VRK1: variants seen among roughly 807,000 people sequenced by gnomAD.
The protein encoded by VRK1 is VRK serine/threonine kinase 1, also known as serine/threonine-protein kinase VRK1.
Under a neutral mutation model 57.1 loss-of-function variants are expected in VRK1, and 33 were observed. The ratio of observed to expected loss-of-function variants is 0.58; its 90% CI spans 0.44 to 0.77. The LOEUF (loss-of-function observed/expected upper bound fraction) is 0.77. VRK1 is among the 30% of genes least tolerant of loss of function. The probability of loss-of-function intolerance (pLI) is 0.00; values close to 1 mark genes in which losing one functional copy is unlikely to be tolerated. For synonymous variants in VRK1, 137 were observed against 147.8 expected, an observed-to-expected ratio of 0.93 and a Z score of 0.53; for missense variants, 413 against 477.3, an observed-to-expected ratio of 0.87 and a Z score of 1.25.
chr14:96,817,726 A>G (rs1186185455), intron 1 of VRK1, among the ~76,000 whole-genome samples: 1 of 152,208 alleles, frequency 6.6e-6, no homozygotes, highest in Non-Finnish European at 1.5e-5. Context: ...TGCTCCCTAA[A>G]TAGAATGAAT....
At chr14:96,870,984 C>T (rs867153495) in intron 11 of VRK1, among the ~76,000 whole-genome samples, 12 of 152,260 alleles carry the variant, frequency 7.9e-5, no homozygotes, top group African/African-American at 2.2e-4. Context: ...AAATGTGTTG[C>T]GCATGGAGCA....
chr14:96,851,630 A>G (rs1887954193), intron 5 of VRK1, among the ~76,000 whole-genome samples: 1 of 152,100 alleles, frequency 6.6e-6, no homozygotes, highest in African/African-American at 2.4e-5. Context: ...TCCCTATTGA[A>G]CTTGTCATAT....
intron 9 of VRK1, 116 bp from the exon 10 acceptor site, chr14:96,856,412 A>G: frequency 7.4e-7 from 1 of 1,350,666 alleles, no homozygotes; most frequent in Non-Finnish European, 1.0e-6. Context: ...ATTTTAGAAA[A>G]ATGTCTGTAA....
At chr14:96,806,156 T>C (rs1178893881) in intron 1 of VRK1, among the ~76,000 whole-genome samples, 3 of 152,140 alleles carry the variant, frequency 2.0e-5, no homozygotes, top group African/African-American at 7.2e-5. Flanking sequence ...CAAGAAACCA[T>C]GTATCTGCAT....
rs759767615 is a variant in VRK1 at position 96,833,510 on chromosome 14, C to T, written c.39C>T (p.Ser13=). 8.1e-6 allele frequency: 13 copies of T among 1,613,768 alleles called. 1 individual carries two copies. In the South Asian group the frequency reaches 1.4e-4, roughly 18 times the overall value. ...AAGCAGCTCAAGCTGGAAGACAGAG[C>T]TCTGCAAAGAGACATCTTGCAGAAC... ...RVKAAQAGRQ[S]SAKRHLAEQF... The change falls in exon 2 of 13, where the codon AGC becomes AGT. Residue 13 remains serine, a synonymous_variant. Coordinates refer to ENST00000216639, the MANE Select transcript of VRK1 (RefSeq NM_003384.3).
intron 10 of VRK1, chr14:96,858,899 C>T (rs1888271810): frequency 6.6e-6 from 1 of 152,112 alleles, no homozygotes; most frequent in Non-Finnish European, 1.5e-5. Flanking sequence ...TTAGAATCAC[C>T]TTGTCAGTTA....
intron 1 of VRK1, among the ~76,000 whole-genome samples, chr14:96,807,099 CTGTT>C (rs1000706676): frequency 3.3e-5 from 5 of 152,212 alleles, no homozygotes; most frequent in East Asian, 1.9e-4. Flanking sequence ...ACATGGGTCA[CTGTT>C]TGTTCTCTGC....
intron 12 of VRK1, among the ~76,000 whole-genome samples, chr14:96,879,239 G>GAAT (rs10622937): frequency 6.6e-6 from 1 of 151,430 alleles, no homozygotes; most frequent in Admixed American, 6.6e-5. Flanking sequence ...AAAGAGATAA[G>GAAT]GTAGTTTTTT....
At chr14:96,860,873 C>T (rs770390902) in intron 11 of VRK1, 138 bp downstream of exon 11, 2 of 809,252 alleles carry the variant, frequency 2.5e-6, no homozygotes, top group Non-Finnish European at 2.0e-6. Flanking sequence ...TTTTGTAATA[C>T]AGAAAATGTG....
intron 5 of VRK1, among the ~76,000 whole-genome samples, chr14:96,848,985 A>G (rs1183312394): frequency 1.3e-5 from 2 of 152,196 alleles, no homozygotes; most frequent in African/African-American, 2.4e-5. Flanking sequence ...ATTCTACTGT[A>G]TGACCCAATG....
In VRK1 at chr14:96,860,640, T is replaced by C; in HGVS notation, c.973T>C (p.Leu325=). 6.2e-7 allele frequency: 1 copy of C among 1,613,378 alleles called. No individual in the cohort carries two copies. Among genetic ancestry groups the C allele is most frequent in the Non-Finnish European group, 8.5e-7 (1 of 1,179,516 alleles). ...TTATGAAAATTTACGTGACATTCTT[T>C]TGCAAGGACTAAAAGCTATAGGAAG... ...PLYENLRDIL[L]QGLKAIGSKD... is the part of the protein sequence containing the mutation. The change falls in exon 11 of 13, where the codon TTG becomes CTG. Residue 325 remains leucine (L), a synonymous_variant. Transcript: ENST00000216639.
At chr14:96,841,595 C>T (rs1188741957) in intron 3 of VRK1, among the ~76,000 whole-genome samples, 3 of 152,100 alleles carry the variant, frequency 2.0e-5, no homozygotes, top group Non-Finnish European at 2.9e-5. Context: ...CGGTGGCTCA[C>T]GATCATAATC....
rs1277658358 is a variant in VRK1 at position 96,877,435 on chromosome 14, G to T, written c.1159+1315G>T. 1.1e-5 allele frequency: 13 copies of T among 1,205,688 alleles called. 1 individual carries two copies. Among genetic ancestry groups the T allele is most frequent in the African/African-American group, 7.8e-5 (5 of 63,860 alleles). The allele number at this position is 1,205,688 out of a possible 1,614,324, so 74.7% of individuals were successfully genotyped here. On this transcript the variant is annotated intron_variant, in intron 12 of 12. Transcript: ENST00000216639. ...TTGAAGTAGTCCCTCTCTTTTTCCC[G>T]CTGCTGTCTTCCTTTCGCTACTGTC...
intron 1 of VRK1, among the ~76,000 whole-genome samples, chr14:96,827,780 A>G (rs1886856495): frequency 6.6e-6 from 1 of 152,128 alleles, no homozygotes; most frequent in African/African-American, 2.4e-5. Context: ...TTTGTTTTCT[A>G]GCTCCTGAAT....
chr14:96,800,326 T>C (rs1256922471), intron 1 of VRK1, among the ~76,000 whole-genome samples: 1 of 152,186 alleles, frequency 6.6e-6, no homozygotes, highest in Non-Finnish European at 1.5e-5. Context: ...CAATTACTCC[T>C]GCTCCATCTC....
intron 1 of VRK1, among the ~76,000 whole-genome samples, chr14:96,817,748 T>C (rs562996945): frequency 6.6e-6 from 1 of 152,328 alleles, no homozygotes; most frequent in South Asian, 2.1e-4. Flanking sequence ...AGAAATCTAT[T>C]TACCAGATTT....
At chr14:96,813,358 C>A (rs1480048302) in intron 1 of VRK1, among the ~76,000 whole-genome samples, 1 of 152,134 alleles carries the variant, frequency 6.6e-6, no homozygotes, top group Admixed American at 6.5e-5. Context: ...ATCATTCAAA[C>A]CCTGAGATTA....
chr14:96,874,885 C>T (rs1198060107), intron 11 of VRK1, among the ~76,000 whole-genome samples: 2 of 152,180 alleles, frequency 1.3e-5, no homozygotes, highest in East Asian at 1.9e-4. Flanking sequence ...CAGGCATTAT[C>T]CTCTTTTCTA....
At chr14:96,798,262 G>A (rs1220537659) in intron 1 of VRK1, among the ~76,000 whole-genome samples, 1 of 152,178 alleles carries the variant, frequency 6.6e-6, no homozygotes, top group African/African-American at 2.4e-5. Context: ...CCATTCAGGG[G>A]CAACGCATAG....
Sources: gnomAD v4.1 joint callset for allele counts (sites outside exome capture counted in the v4.1 genomes callset) on GRCh38, gnomAD v4.1.1 for gene constraint, MANE v1.5 for transcripts, NCBI Gene and HGNC (gene_info 2026-07-23, HGNC 2026-07-21) for gene names.